The following ZBTB7C variants were observed in gnomAD, a reference collection of about 807,000 sequenced individuals.
The protein encoded by ZBTB7C is zinc finger and BTB domain containing 7C, also known as zinc finger and BTB domain-containing protein 7C.
A neutral mutation model predicts 25.7 loss-of-function variants in ZBTB7C; 8 were observed. That is an observed-to-expected ratio of 0.31 (90% CI 0.18 to 0.56). The LOEUF is 0.56. Among genes scored for constraint, ZBTB7C ranks in the 20% least tolerant of loss-of-function variants. The probability of loss-of-function intolerance (pLI) is 0.91; values close to 1 mark genes in which losing one functional copy is unlikely to be tolerated. For synonymous variants in ZBTB7C, 394 were observed against 369.0 expected (o/e 1.07, Z -0.78); for missense variants, 824 against 855.2 (o/e 0.96, Z 0.46).
chr18:48,115,473 C>T (rs879701833), intron 3 of ZBTB7C, among the ~76,000 whole-genome samples: 33 of 152,048 alleles, frequency 2.2e-4, no homozygotes, highest in South Asian at 1.0e-3. Flanking sequence ...CTCCTGACCT[C>T]GAGATCCGCC....
chr18:48,097,677 G>C (rs971610798), intron 3 of ZBTB7C, among the ~76,000 whole-genome samples: 1 of 152,090 alleles, frequency 6.6e-6, no homozygotes, highest in African/African-American at 2.4e-5. Flanking sequence ...GATTACAGGC[G>C]CGAGCTACGG....
intron 2 of ZBTB7C, among the ~76,000 whole-genome samples, chr18:48,237,584 G>T (rs1425552069): frequency 6.6e-6 from 1 of 152,032 alleles, no homozygotes; most frequent in African/African-American, 2.4e-5. Context: ...TTGACAAGAA[G>T]ATGAGACAAT....
intron 2 of ZBTB7C, among the ~76,000 whole-genome samples, chr18:48,234,098 C>T (rs373848864): frequency 6.6e-6 from 1 of 151,920 alleles, no homozygotes; most frequent in South Asian, 2.1e-4. Context: ...CCTAGAATGC[C>T]CTCCCCTTTT....
At chr18:48,189,939 C>G (rs991938807) in intron 2 of ZBTB7C, among the ~76,000 whole-genome samples, 2 of 152,198 alleles carry the variant, frequency 1.3e-5, no homozygotes, top group Non-Finnish European at 2.9e-5. Flanking sequence ...ATGCTCCTGG[C>G]TCTTCCCGAC....
chr18:48,271,259 C>T (rs896707873), intron 2 of ZBTB7C, among the ~76,000 whole-genome samples: 1 of 151,996 alleles, frequency 6.6e-6, no homozygotes, highest in African/African-American at 2.4e-5. Context: ...CTAGTATAAC[C>T]TTAATAACGT....
At chr18:48,089,792 T>TAAAC (rs56268317) in intron 3 of ZBTB7C, among the ~76,000 whole-genome samples, 7,145 of 147,538 alleles carry the variant, frequency 0.048, 195 homozygotes, top group African/African-American at 0.077. Context: ...ATAGAAAGCC[T>TAAAC]AAACAAACAA....
intron 3 of ZBTB7C, among the ~76,000 whole-genome samples, chr18:48,042,272 A>C (rs935881759): frequency 6.6e-6 from 1 of 150,462 alleles, no homozygotes; most frequent in Admixed American, 6.7e-5. Flanking sequence ...CTAAAAGCCT[A>C]AAACAAAACA....
intron 3 of ZBTB7C, among the ~76,000 whole-genome samples, chr18:48,089,892 A>G (rs1598858145): frequency 6.6e-6 from 1 of 152,224 alleles, no homozygotes; most frequent in Non-Finnish European, 1.5e-5. Flanking sequence ...CCGCTGGGTG[A>G]GGCTGCCGAT....
At chr18:48,123,194 G>C (rs1372951651) in intron 3 of ZBTB7C, among the ~76,000 whole-genome samples, 1 of 152,198 alleles carries the variant, frequency 6.6e-6, no homozygotes, top group African/African-American at 2.4e-5. Flanking sequence ...CATGATAGGG[G>C]TTGAAAGGGG....
chr18:48,168,405 T>C (rs2041345293), intron 3 of ZBTB7C, among the ~76,000 whole-genome samples: 1 of 152,218 alleles, frequency 6.6e-6, no homozygotes, highest in African/African-American at 2.4e-5. Flanking sequence ...GTGGTGGATT[T>C]GATTACAGAA....
chr18:48,197,975 C>T (rs2042354893), intron 2 of ZBTB7C, among the ~76,000 whole-genome samples: 1 of 152,100 alleles, frequency 6.6e-6, no homozygotes, highest in Non-Finnish European at 1.5e-5. Flanking sequence ...CTGTATCTTC[C>T]TGATACCATC....
chr18:48,403,916 T>C (rs1041911079), intron 1 of ZBTB7C, among the ~76,000 whole-genome samples: 5 of 151,934 alleles, frequency 3.3e-5, no homozygotes, highest in East Asian at 1.9e-4. Context: ...ACGGGAAGCA[T>C]TGCCAAACAA....
chr18:48,335,091 C>T (rs994287385), intron 2 of ZBTB7C, among the ~76,000 whole-genome samples: 1 of 152,228 alleles, frequency 6.6e-6, no homozygotes, highest in East Asian at 1.9e-4. Flanking sequence ...GCACCACAGG[C>T]AGCTGTCACC....
chr18:48,359,842 C>T (rs997927389), intron 1 of ZBTB7C, among the ~76,000 whole-genome samples: 1 of 152,156 alleles, frequency 6.6e-6, no homozygotes, highest in Non-Finnish European at 1.5e-5. Flanking sequence ...AGGCTAGAGA[C>T]CCCTGCCCTT....
chr18:48,031,373 T>A (rs928333833), intron 4 of ZBTB7C, among the ~76,000 whole-genome samples: 19 of 151,914 alleles, frequency 1.3e-4, no homozygotes, highest in African/African-American at 4.3e-4. Context: ...GGAAGTGGGG[T>A]CACCCTCTTC....
At chr18:48,198,327 T>C (rs375937542) in intron 2 of ZBTB7C, among the ~76,000 whole-genome samples, 12 of 152,288 alleles carry the variant, frequency 7.9e-5, no homozygotes, top group African/African-American at 1.9e-4. Context: ...GATTCTTGCA[T>C]TGGACCTCCA....
intron 4 of ZBTB7C, among the ~76,000 whole-genome samples, chr18:48,038,188 C>T (rs1314111193): frequency 1.3e-5 from 2 of 152,022 alleles, no homozygotes; most frequent in South Asian, 2.1e-4. Context: ...AGGAGCAGGG[C>T]GCCCTGCTGT....
rs746758036 is a variant in ZBTB7C at position 48,040,619 on chromosome 18, ATCCTCCTCCTCT to A, written c.477_488del (p.Glu159_Glu162del). On this transcript the variant is annotated inframe_deletion, in exon 4 of 5. Coordinates refer to ENST00000590800, the MANE Select transcript of ZBTB7C (RefSeq NM_001318841.2). ...CAAAGTCCTCCGTGTCATCATCGTC[ATCCTCCTCCTCT>A]TCCTCCTCCTCCTCTTCGTCCTCCT... 1.0e-4 allele frequency: 166 copies of A among 1,613,040 alleles called. 1 individual carries two copies. The highest frequency in any genetic ancestry group is 2.0e-4 in the East Asian group (9 of 44,804).
chr18:48,341,944 C>T (rs2046610949), intron 1 of ZBTB7C, among the ~76,000 whole-genome samples: 1 of 152,150 alleles, frequency 6.6e-6, no homozygotes, highest in African/African-American at 2.4e-5. Context: ...CTGGGGAATG[C>T]ATGATGTAGA....
Sources: gnomAD v4.1 joint callset for allele counts (sites outside exome capture counted in the v4.1 genomes callset) on GRCh38, gnomAD v4.1.1 for gene constraint, MANE v1.5 for transcripts, NCBI Gene and HGNC (gene_info 2026-07-23, HGNC 2026-07-21) for gene names.